The following IL26 variants were observed in gnomAD, a reference collection of about 807,000 sequenced individuals.
IL26 encodes the protein interleukin 26, also known as interleukin-26.
In IL26, 23 loss-of-function variants were observed where a neutral mutation model predicts 21.7. The observed-to-expected ratio is 1.06, with a 90% confidence interval of 0.76 to 1.50. The LOEUF is 1.50. Ranked by LOEUF, IL26 falls within the 40% of genes most tolerant of loss-of-function variation. The pLI is 0.00. For missense variants in IL26, 204 were observed against 196.0 expected (o/e 1.04, Z -0.24); for synonymous variants, 63 against 67.8 (o/e 0.93, Z 0.34).
chr12:68,204,085 A>T (rs1868461223), intron 3 of IL26, among the ~76,000 whole-genome samples: 1 of 151,890 alleles, frequency 6.6e-6, no homozygotes, highest in Non-Finnish European at 1.5e-5. Flanking sequence ...TAATGCATAG[A>T]ATCCTTTTTA....
intron 3 of IL26, among the ~76,000 whole-genome samples, chr12:68,207,379 AC>A (rs1001163295): frequency 2.0e-5 from 3 of 152,222 alleles, no homozygotes; most frequent in African/African-American, 7.2e-5. Flanking sequence ...ATTGCACAAA[AC>A]ACAGTGAAAA....
Position 68,201,752 on chromosome 12 carries a change from A to G in IL26, c.*93T>C, listed in dbSNP as rs1868394783. ...ACATGCCGTCAGTATTATGTTAAAA[A>G]GTTTTTAAAAGAAATAGACTGTTAT... On this transcript the variant is annotated 3_prime_UTR_variant, in exon 5 of 5. Coordinates refer to ENST00000229134, the MANE Select transcript of IL26 (RefSeq NM_018402.2). The G allele has an allele frequency of 1.2e-6, 1 of 806,216 alleles. No individual in the cohort carries two copies. The highest frequency in any genetic ancestry group is 1.9e-6 in the Non-Finnish European group (1 of 521,396). 49.9% of individuals were successfully genotyped at this position (806,216 alleles called of 1,614,324 possible). A position where few individuals can be genotyped will look rare whatever the true frequency, so the allele number is the denominator to read the frequency against.
chr12:68,217,243 G>A (rs1483440655), intron 3 of IL26, among the ~76,000 whole-genome samples: 1 of 152,164 alleles, frequency 6.6e-6, no homozygotes, highest in Non-Finnish European at 1.5e-5. Context: ...AGTCCTTGGA[G>A]TCTATCATGA....
intron 3 of IL26, among the ~76,000 whole-genome samples, chr12:68,210,114 A>G (rs972382223): frequency 2.0e-5 from 3 of 151,990 alleles, no homozygotes; most frequent in Non-Finnish European, 4.4e-5. Context: ...AATACAGATG[A>G]TAGATAAGAG....
intron 3 of IL26, among the ~76,000 whole-genome samples, chr12:68,206,045 C>G (rs960027229): frequency 1.3e-5 from 2 of 152,146 alleles, no homozygotes; most frequent in Non-Finnish European, 2.9e-5. Context: ...GCTCCTGCCC[C>G]CACCATCTTT....
intron 3 of IL26, among the ~76,000 whole-genome samples, chr12:68,224,609 GAGAA>G (rs566127998): frequency 6.8e-4 from 102 of 150,202 alleles, no homozygotes; most frequent in African/African-American, 2.2e-3. Flanking sequence ...GAAAGAGAGA[GAGAA>G]AGAAAGAAAA....
At chr12:68,212,758 C>T (rs972661803) in intron 3 of IL26, among the ~76,000 whole-genome samples, 9 of 151,930 alleles carry the variant, frequency 5.9e-5, no homozygotes, top group East Asian at 1.9e-4. Context: ...TGCAAATTTA[C>T]GGAATTTTTT....
intron 3 of IL26, among the ~76,000 whole-genome samples, chr12:68,207,817 CT>C (rs1290591011): frequency 3.3e-5 from 5 of 152,104 alleles, no homozygotes; most frequent in African/African-American, 4.8e-5. Flanking sequence ...TACATTTTAA[CT>C]TTTTATAATA....
At chr12:68,215,113 G>T (rs1938407607) in intron 3 of IL26, among the ~76,000 whole-genome samples, 1 of 151,994 alleles carries the variant, frequency 6.6e-6, no homozygotes, top group Admixed American at 6.6e-5. Flanking sequence ...AATAAAAAGG[G>T]ACTAGAAACA....
chr12:68,214,257 GT>G (rs1463845858), intron 3 of IL26, among the ~76,000 whole-genome samples: 2 of 152,134 alleles, frequency 1.3e-5, no homozygotes, highest in Admixed American at 6.6e-5. Context: ...GCTGACACTT[GT>G]TTGGTAGCCT....
intron 3 of IL26, among the ~76,000 whole-genome samples, chr12:68,206,941 G>A (rs1469398344): frequency 6.6e-6 from 1 of 152,076 alleles, no homozygotes. Context: ...TCCTTTGAGG[G>A]CATTAAATTC....
intron 3 of IL26, among the ~76,000 whole-genome samples, chr12:68,219,625 A>C (rs913080579): frequency 6.6e-6 from 1 of 151,890 alleles, no homozygotes; most frequent in African/African-American, 2.4e-5. Flanking sequence ...AAGAAAAAAA[A>C]ATTTCAAGTT....
rs769528591 is a variant in IL26, at chr12:68,202,107, G to A, written c.364-24C>T. On this transcript the variant is annotated intron_variant, in intron 3 of 4. Coordinates refer to ENST00000229134, the MANE Select transcript of IL26 (RefSeq NM_018402.2). Reference sequence around the variant, plus strand: ...ATCTAAGAAATCAACAGTAATTACAGATAATATTGTTGAAGAGGCATTAAT... The same window carrying A: ...ATCTAAGAAATCAACAGTAATTACAAATAATATTGTTGAAGAGGCATTAAT... 3 of 1,455,626 alleles carry A rather than the reference G, an allele frequency of 2.1e-6. No homozygotes were observed. In the South Asian group the frequency reaches 3.8e-5, roughly 18 times the overall value. The allele number at this position is 1,455,626 out of a possible 1,614,324, so 90.2% of individuals were successfully genotyped here. A position where few individuals can be genotyped will look rare whatever the true frequency, so the allele number is the denominator to read the frequency against.
chr12:68,223,884 G>GTTTTTTTTTTTTTTTTTTTT (rs376115904), intron 3 of IL26, among the ~76,000 whole-genome samples: 3 of 132,272 alleles, frequency 2.3e-5, no homozygotes, highest in African/African-American at 2.8e-5. Context: ...AAATTTGGTG[G>GTTTTTTTTTTTTTTTTTTTT]TTTTTTTTTT....
At chr12:68,209,097 T>C (rs1166791480) in intron 3 of IL26, among the ~76,000 whole-genome samples, 1 of 152,140 alleles carries the variant, frequency 6.6e-6, no homozygotes, top group African/African-American at 2.4e-5. Context: ...TTCAAAAAAA[T>C]CATACAAATT....
At chr12:68,216,080 C>T (rs893265895) in intron 3 of IL26, among the ~76,000 whole-genome samples, 1 of 151,684 alleles carries the variant, frequency 6.6e-6, no homozygotes, top group South Asian at 2.1e-4. Flanking sequence ...ATCACAAGGT[C>T]AGAAGATCGA....
chr12:68,210,581 C>A (rs867804900), intron 3 of IL26, among the ~76,000 whole-genome samples: 18 of 152,126 alleles, frequency 1.2e-4, no homozygotes, highest in Middle Eastern at 3.4e-3. Context: ...CATAATCAGA[C>A]ATTTAATTTT....
chr12:68,224,300 G>A (rs976399050), intron 3 of IL26, among the ~76,000 whole-genome samples: 3 of 151,176 alleles, frequency 2.0e-5, no homozygotes, highest in African/African-American at 7.3e-5. Flanking sequence ...GTTTTGTTTT[G>A]TTTTGTTTTG....
chr12:68,202,594 G>T (rs1222750024), intron 3 of IL26, among the ~76,000 whole-genome samples: 1 of 152,180 alleles, frequency 6.6e-6, no homozygotes, highest in East Asian at 1.9e-4. Flanking sequence ...AGAGGGGGAA[G>T]TGCCATACTT....
Sources: gnomAD v4.1 joint callset for allele counts (sites outside exome capture counted in the v4.1 genomes callset) on GRCh38, gnomAD v4.1.1 for gene constraint, MANE v1.5 for transcripts, NCBI Gene and HGNC (gene_info 2026-07-23, HGNC 2026-07-21) for gene names.